The following B3GALT1 variants were observed in gnomAD, a reference collection of about 807,000 sequenced individuals.
B3GALT1 encodes the protein UDP-Gal:betaGlcNAc beta 1,3-galactosyltransferase, polypeptide 1.
In B3GALT1, 10 loss-of-function variants were observed where a neutral mutation model predicts 23.2. That is an observed-to-expected ratio of 0.43 (90% CI 0.27 to 0.73). The LOEUF (loss-of-function observed/expected upper bound fraction) is 0.73. B3GALT1 is among the 30% of genes least tolerant of loss of function. The pLI is 0.21. For synonymous variants in B3GALT1, 156 were observed against 141.5 expected (o/e 1.10, Z -0.73); for missense variants, 299 against 405.4 (o/e 0.74, Z 2.25).
chr2:167,395,268 A>T (rs73021757), intron 1 of B3GALT1, among the ~76,000 whole-genome samples: 4,933 of 152,184 alleles, frequency 0.032, 258 homozygotes, highest in African/African-American at 0.11. Flanking sequence ...TAAAGGAACT[A>T]TCAAAAGTGA....
intron 2 of B3GALT1, among the ~76,000 whole-genome samples, chr2:167,523,825 C>A (rs1195429231): frequency 6.6e-6 from 1 of 152,064 alleles, no homozygotes; most frequent in African/African-American, 2.4e-5. Context: ...ATAGTGATAT[C>A]ACAAAGACAT....
chr2:167,507,876 A>G (rs1338846418), intron 2 of B3GALT1, among the ~76,000 whole-genome samples: 1 of 152,192 alleles, frequency 6.6e-6, no homozygotes, highest in Non-Finnish European at 1.5e-5. Flanking sequence ...GGCTGCTGTA[A>G]TGAGGTGCTA....
At chr2:167,473,220 C>T (rs1401888142) in intron 1 of B3GALT1, among the ~76,000 whole-genome samples, 1 of 152,082 alleles carries the variant, frequency 6.6e-6, no homozygotes, top group African/African-American at 2.4e-5. Context: ...TTCTAGTTAT[C>T]GTGTAAACAT....
intron 2 of B3GALT1, among the ~76,000 whole-genome samples, chr2:167,631,769 C>CTTTTT (rs558837779): frequency 1.6e-3 from 193 of 120,190 alleles, no homozygotes; most frequent in South Asian, 5.2e-3. Context: ...CTTTTCTTTT[C>CTTTTT]TTTTTTTTTT....
chr2:167,769,763 G>A (rs1372858686), intron 3 of B3GALT1, among the ~76,000 whole-genome samples: 1 of 152,124 alleles, frequency 6.6e-6, no homozygotes, highest in Non-Finnish European at 1.5e-5. Context: ...TTATTTCTGA[G>A]TAGTATTCCA....
At chr2:167,538,586 T>G (rs763702025) in intron 2 of B3GALT1, among the ~76,000 whole-genome samples, 2 of 152,170 alleles carry the variant, frequency 1.3e-5, no homozygotes, top group Non-Finnish European at 2.9e-5. Flanking sequence ...CAAATTCCCT[T>G]TGAATCACCC....
chr2:167,759,617 A>G (rs2105296426), intron 3 of B3GALT1, among the ~76,000 whole-genome samples: 1 of 152,328 alleles, frequency 6.6e-6, no homozygotes, highest in African/African-American at 2.4e-5. Flanking sequence ...GCTAGTTGTT[A>G]GGAGCAAGCC....
At chr2:167,797,047 T>C (rs1688556188) in intron 3 of B3GALT1, among the ~76,000 whole-genome samples, 1 of 152,156 alleles carries the variant, frequency 6.6e-6, no homozygotes, top group South Asian at 2.1e-4. Context: ...ACGTGTGCCA[T>C]GGTGGTTTGC....
At chr2:167,681,884 G>A (rs1446974419) in intron 3 of B3GALT1, among the ~76,000 whole-genome samples, 2 of 152,198 alleles carry the variant, frequency 1.3e-5, no homozygotes, top group African/African-American at 4.8e-5. Context: ...GAAGAATTAT[G>A]CTGAGCTGTC....
At chr2:167,337,665 T>C (rs535892437) in intron 1 of B3GALT1, among the ~76,000 whole-genome samples, 2 of 152,080 alleles carry the variant, frequency 1.3e-5, no homozygotes, top group East Asian at 3.9e-4. Context: ...CTAGAGACAG[T>C]GTTGTTAGTT....
intron 2 of B3GALT1, among the ~76,000 whole-genome samples, chr2:167,599,648 A>C (rs1169745194): frequency 6.6e-6 from 1 of 152,224 alleles, no homozygotes. Context: ...ACTATGTGTC[A>C]GTTTGTCAGT....
intron 1 of B3GALT1, among the ~76,000 whole-genome samples, chr2:167,444,098 A>G (rs1698942394): frequency 6.6e-6 from 1 of 152,296 alleles, no homozygotes; most frequent in Middle Eastern, 3.4e-3. Context: ...ATTTTGTCAA[A>G]GGCCTTTTCT....
intron 2 of B3GALT1, among the ~76,000 whole-genome samples, chr2:167,619,665 AT>A (rs1228202639): frequency 2.0e-5 from 3 of 152,122 alleles, no homozygotes; most frequent in African/African-American, 7.2e-5. Context: ...TTTTATGGCA[AT>A]TCTACCACAC....
intron 2 of B3GALT1, among the ~76,000 whole-genome samples, chr2:167,498,788 T>A (rs1193197731): frequency 6.6e-6 from 1 of 152,112 alleles, no homozygotes; most frequent in Non-Finnish European, 1.5e-5. Context: ...ATTCCCTTTC[T>A]TCTCCTTGCA....
intron 3 of B3GALT1, among the ~76,000 whole-genome samples, chr2:167,659,354 G>T (rs368403402): frequency 2.0e-5 from 3 of 151,900 alleles, no homozygotes; most frequent in Non-Finnish European, 2.9e-5. Flanking sequence ...GTACTACGGG[G>T]TAGTTCAATA....
intron 1 of B3GALT1, among the ~76,000 whole-genome samples, chr2:167,370,086 C>T (rs1434066456): frequency 6.6e-6 from 1 of 152,034 alleles, no homozygotes; most frequent in Non-Finnish European, 1.5e-5. Flanking sequence ...AAGGAAGTTA[C>T]TCTTATTTTT....
At chr2:167,324,866 C>A (rs1696868148) in intron 1 of B3GALT1, among the ~76,000 whole-genome samples, 1 of 152,146 alleles carries the variant, frequency 6.6e-6, no homozygotes, top group Non-Finnish European at 1.5e-5. Context: ...AGTCCCTCTG[C>A]CTCACTACCC....
intron 2 of B3GALT1, among the ~76,000 whole-genome samples, chr2:167,561,293 C>T (rs189025554): frequency 7.2e-5 from 11 of 152,266 alleles, no homozygotes; most frequent in South Asian, 6.2e-4. Flanking sequence ...ATCTCTGGGA[C>T]ACAGTCAGAG....
intron 1 of B3GALT1, among the ~76,000 whole-genome samples, chr2:167,467,705 T>C (rs1450815656): frequency 6.6e-6 from 1 of 152,182 alleles, no homozygotes; most frequent in African/African-American, 2.4e-5. Flanking sequence ...TGTTTTCCAT[T>C]CCTAGGAAAA....
Sources: allele counts gnomAD v4.1 joint callset (sites outside exome capture counted in the v4.1 genomes callset), GRCh38; gene constraint gnomAD v4.1.1; transcripts MANE v1.5; gene names NCBI Gene and HGNC (gene_info 2026-07-23, HGNC 2026-07-21).